The following LYPD6 variants were observed in gnomAD, a reference collection of about 807,000 sequenced individuals.
LYPD6 encodes LY6/PLAUR domain containing 6, also known as ly6/PLAUR domain-containing protein 6.
A neutral mutation model predicts 22.7 loss-of-function variants in LYPD6; 15 were observed. That is an observed-to-expected ratio of 0.66 (90% CI 0.44 to 1.02). The LOEUF (loss-of-function observed/expected upper bound fraction) is 1.02. Ranked by LOEUF, LYPD6 falls within the 50% of genes least tolerant of loss-of-function variation. The pLI is 0.00. For synonymous variants in LYPD6, 72 were observed against 77.5 expected (o/e 0.93, Z 0.37); for missense variants, 189 against 208.4 (o/e 0.91, Z 0.57).
intron 2 of LYPD6, among the ~76,000 whole-genome samples, chr2:149,442,620 T>G (rs553501840): frequency 6.7e-6 from 1 of 149,552 alleles, no homozygotes; most frequent in Non-Finnish European, 1.5e-5. Context: ...ATAGCACATC[T>G]CTTAGGAACC....
intron 1 of LYPD6, among the ~76,000 whole-genome samples, chr2:149,359,777 T>C (rs1681535352): frequency 6.6e-6 from 1 of 152,342 alleles, no homozygotes; most frequent in Non-Finnish European, 1.5e-5. Context: ...TTCCTCTTTC[T>C]CTACTTTTTG....
intron 1 of LYPD6, among the ~76,000 whole-genome samples, chr2:149,405,232 G>A (rs1682672162): frequency 6.6e-6 from 1 of 152,024 alleles, no homozygotes; most frequent in Non-Finnish European, 1.5e-5. Context: ...TTGGTATCAG[G>A]ATGATGCTGG....
rs1024189710 is a variant in LYPD6 at position 149,473,547 on chromosome 2, A to G, written c.*2697A>G. 6 of 152,422 alleles carry G rather than the reference A, an allele frequency of 3.9e-5. No individual in the cohort carries two copies. The highest frequency in any genetic ancestry group is 1.2e-4 in the African/African-American group (5 of 41,456). The allele number at this position is 152,422 out of a possible 1,614,324, so 9.4% of individuals were successfully genotyped here. On this transcript the variant is annotated 3_prime_UTR_variant, in exon 5 of 5. Transcript: ENST00000334166. Reference sequence around the variant, plus strand: ...TATTTTTAGACTCTCCACAGCATTCATGTCAATATGGGATTAATGCCTAAA... The same window carrying G: ...TATTTTTAGACTCTCCACAGCATTCGTGTCAATATGGGATTAATGCCTAAA...
At chr2:149,417,527 A>T (rs987774653) in intron 1 of LYPD6, among the ~76,000 whole-genome samples, 3 of 152,194 alleles carry the variant, frequency 2.0e-5, no homozygotes, top group African/African-American at 7.2e-5. Flanking sequence ...AGAAAGTAGG[A>T]TCAGTAAAAT....
chr2:149,421,826 G>GA (rs1014467734), intron 1 of LYPD6, among the ~76,000 whole-genome samples: 6 of 152,050 alleles, frequency 3.9e-5, no homozygotes, highest in African/African-American at 1.4e-4. Context: ...TTCTGTCTGT[G>GA]AAACCGTTTT....
intron 3 of LYPD6, among the ~76,000 whole-genome samples, chr2:149,454,422 C>G (rs1203728091): frequency 6.6e-6 from 1 of 152,132 alleles, no homozygotes; most frequent in Admixed American, 6.5e-5. Flanking sequence ...TCCTCCATGT[C>G]TTTTCGAGCA....
chr2:149,484,507 G>A, the LYPD6 span, among the ~76,000 whole-genome samples: 11 of 151,774 alleles, frequency 7.2e-5, no homozygotes, highest in African/African-American at 2.7e-4. Flanking sequence ...ATAAATGGCA[G>A]AGAAAATTCA....
intron 1 of LYPD6, among the ~76,000 whole-genome samples, chr2:149,421,810 G>A (rs774029500): frequency 9.9e-5 from 15 of 152,084 alleles, no homozygotes; most frequent in Non-Finnish European, 1.8e-4. Flanking sequence ...AACGGAATGG[G>A]TGAGGTTCTG....
At chr2:149,407,831 T>G (rs1196158442) in intron 1 of LYPD6, among the ~76,000 whole-genome samples, 1 of 152,196 alleles carries the variant, frequency 6.6e-6, no homozygotes, top group Non-Finnish European at 1.5e-5. Flanking sequence ...GTTTCCAGTT[T>G]TTCTGCTCTG....
intron 1 of LYPD6, among the ~76,000 whole-genome samples, chr2:149,414,321 T>C (rs969149454): frequency 3.9e-5 from 6 of 152,342 alleles, no homozygotes; most frequent in Non-Finnish European, 8.8e-5. Context: ...TAATATTTCT[T>C]AAATTCTCAC....
intron 1 of LYPD6, among the ~76,000 whole-genome samples, chr2:149,416,298 A>C (rs1024712262): frequency 6.6e-6 from 1 of 152,152 alleles, no homozygotes; most frequent in Non-Finnish European, 1.5e-5. Context: ...TGTGACCCAA[A>C]TCCTCTTTCC....
intron 1 of LYPD6, among the ~76,000 whole-genome samples, chr2:149,405,490 C>A (rs973552050): frequency 2.6e-5 from 4 of 152,172 alleles, no homozygotes; most frequent in Non-Finnish European, 4.4e-5. Context: ...GGAATTTATC[C>A]ATTTCTTCTA....
intron 1 of LYPD6, among the ~76,000 whole-genome samples, chr2:149,436,179 G>C (rs931835602): frequency 1.3e-5 from 2 of 152,162 alleles, no homozygotes; most frequent in South Asian, 2.1e-4. Context: ...CTGAGTTTCT[G>C]TTTCATAATA....
chr2:149,453,419 A>G (rs6757324), intron 3 of LYPD6, among the ~76,000 whole-genome samples: 44,141 of 152,152 alleles, frequency 0.29, 7,923 homozygotes, highest in African/African-American at 0.51. Context: ...TAGCTAAGCC[A>G]AAGACATTAT....
chr2:149,338,068 A>T (rs949867019), intron 1 of LYPD6, among the ~76,000 whole-genome samples: 1 of 152,132 alleles, frequency 6.6e-6, no homozygotes, highest in African/African-American at 2.4e-5. Context: ...ATTTGCATTT[A>T]GGTTGATTCC....
At chr2:149,399,089 G>T (rs1682493897) in intron 1 of LYPD6, among the ~76,000 whole-genome samples, 1 of 151,962 alleles carries the variant, frequency 6.6e-6, no homozygotes, top group Admixed American at 6.6e-5. Context: ...AGAATGAAGA[G>T]GAAGGTGTTA....
At chr2:149,426,167 G>T (rs1683185041) in intron 1 of LYPD6, among the ~76,000 whole-genome samples, 1 of 152,182 alleles carries the variant, frequency 6.6e-6, no homozygotes, top group Non-Finnish European at 1.5e-5. Context: ...AGAGAGCACA[G>T]GCTGGCTCTT....
chr2:149,340,193 C>T (rs1221036215), intron 1 of LYPD6, among the ~76,000 whole-genome samples: 2 of 151,992 alleles, frequency 1.3e-5, no homozygotes, highest in African/African-American at 4.8e-5. Flanking sequence ...ATTTTTATGA[C>T]CTAAAAAAGC....
chr2:149,364,239 C>T (rs1681620421), intron 1 of LYPD6, among the ~76,000 whole-genome samples: 2 of 152,072 alleles, frequency 1.3e-5, no homozygotes, highest in Non-Finnish European at 2.9e-5. Context: ...AAAAGAAAGC[C>T]AGTGAAATAC....
Sources: allele counts gnomAD v4.1 joint callset (sites outside exome capture counted in the v4.1 genomes callset), GRCh38; gene constraint gnomAD v4.1.1; transcripts MANE v1.5; gene names NCBI Gene and HGNC (gene_info 2026-07-23, HGNC 2026-07-21).